The following DOK6 variants were observed in gnomAD, a reference collection of about 807,000 sequenced individuals.
The protein encoded by DOK6 is docking protein 6, also known as downstream of tyrosine kinase 6.
Under a neutral mutation model 44.0 loss-of-function variants are expected in DOK6, and 22 were observed. The ratio of observed to expected loss-of-function variants is 0.50; its 90% CI spans 0.36 to 0.71. The LOEUF is 0.71. Among genes scored for constraint, DOK6 ranks in the 30% least tolerant of loss-of-function variants. DOK6 has a pLI of 0.00. For synonymous variants in DOK6, 166 were observed against 145.5 expected (o/e 1.14, Z -1.01); for missense variants, 340 against 416.4 (o/e 0.82, Z 1.60).
At chr18:69,633,780 C>T (rs539567277) in intron 3 of DOK6, among the ~76,000 whole-genome samples, 75 of 152,100 alleles carry the variant, frequency 4.9e-4, no homozygotes, top group Non-Finnish European at 8.8e-4. Context: ...TTAGTGGAGA[C>T]AATAAGGAGT....
chr18:69,497,063 G>T (rs1599159435), intron 1 of DOK6, among the ~76,000 whole-genome samples: 3 of 152,210 alleles, frequency 2.0e-5, no homozygotes, highest in South Asian at 4.1e-4. Flanking sequence ...TGGTATTGCT[G>T]TCAGTCTCAT....
intron 1 of DOK6, among the ~76,000 whole-genome samples, chr18:69,530,551 A>G (rs1024227015): frequency 6.6e-6 from 1 of 152,168 alleles, no homozygotes; most frequent in African/African-American, 2.4e-5. Flanking sequence ...GATGAGAAGT[A>G]TCAAAGAAAA....
intron 5 of DOK6, among the ~76,000 whole-genome samples, chr18:69,708,783 CAA>C (rs376287840): frequency 0.14 from 11,247 of 79,238 alleles, 416 homozygotes; most frequent in African/African-American, 0.22. Flanking sequence ...AAATCCGTCT[CAA>C]AAAAAAAAAA....
intron 1 of DOK6, among the ~76,000 whole-genome samples, chr18:69,495,175 C>G (rs1042969789): frequency 6.6e-6 from 1 of 152,204 alleles, no homozygotes; most frequent in African/African-American, 2.4e-5. Flanking sequence ...GCAGTGGAAG[C>G]CTGGGGACTC....
intron 1 of DOK6, among the ~76,000 whole-genome samples, chr18:69,430,856 C>T (rs1978786472): frequency 6.6e-6 from 1 of 152,118 alleles, no homozygotes; most frequent in Non-Finnish European, 1.5e-5. Flanking sequence ...GTCCCAGCTA[C>T]TAGGGAGGCT....
intron 7 of DOK6, among the ~76,000 whole-genome samples, chr18:69,790,222 C>T (rs749595027): frequency 4.3e-5 from 6 of 139,234 alleles, no homozygotes; most frequent in Non-Finnish European, 9.1e-5. Context: ...ACAATAAGAA[C>T]ACATGGACAC....
intron 3 of DOK6, among the ~76,000 whole-genome samples, chr18:69,611,556 T>G (rs1023785642): frequency 6.6e-6 from 1 of 151,254 alleles, no homozygotes; most frequent in African/African-American, 2.4e-5. Flanking sequence ...GCTTTATTTG[T>G]AAGAGCCCCA....
chr18:69,607,808 A>C (rs910253202), intron 3 of DOK6, among the ~76,000 whole-genome samples: 1 of 152,228 alleles, frequency 6.6e-6, no homozygotes, highest in Non-Finnish European at 1.5e-5. Flanking sequence ...TGAGCCTAAA[A>C]AATCAAACAG....
chr18:69,681,643 A>G (rs575376297), intron 4 of DOK6, among the ~76,000 whole-genome samples: 24 of 152,334 alleles, frequency 1.6e-4, no homozygotes, highest in African/African-American at 5.8e-4. Flanking sequence ...TTCAAAGTTT[A>G]AATTCTTAAA....
chr18:69,550,686 G>A (rs1982538143), intron 1 of DOK6, among the ~76,000 whole-genome samples: 2 of 151,816 alleles, frequency 1.3e-5, no homozygotes, highest in African/African-American at 2.4e-5. Context: ...TCATGTATAT[G>A]AGAACAAGTT....
rs558645333 is a variant in DOK6 at position 69,717,627 on chromosome 18, G to A, written c.599+19034G>A. 3.1e-4 allele frequency among the ~76,000 whole-genome samples: 47 copies of A among 152,336 alleles called. 1 individual carries two copies. In the South Asian group the frequency reaches 9.8e-3, roughly 32 times the overall value. On this transcript the variant is annotated intron_variant, in intron 5 of 7. Coordinates refer to ENST00000382713, the MANE Select transcript of DOK6 (RefSeq NM_152721.6). ...GCAGAGAGAGAGGGAAACTGGCTAA[G>A]AGCCTTCATTGTGTAACTGGCAAGC...
intron 1 of DOK6, among the ~76,000 whole-genome samples, chr18:69,402,087 A>C (rs1916112821): frequency 6.6e-6 from 1 of 152,252 alleles, no homozygotes; most frequent in Admixed American, 6.5e-5. Context: ...AGGGGCTGTC[A>C]CCTGGGCGGG....
intron 2 of DOK6, among the ~76,000 whole-genome samples, chr18:69,596,846 T>C (rs1416505232): frequency 6.6e-6 from 1 of 152,148 alleles, no homozygotes; most frequent in Non-Finnish European, 1.5e-5. Flanking sequence ...TAATGTACTT[T>C]TAGGCCTATA....
intron 1 of DOK6, among the ~76,000 whole-genome samples, chr18:69,471,140 T>TAGG (rs1980090382): frequency 7.1e-6 from 1 of 141,426 alleles, no homozygotes; most frequent in Non-Finnish European, 1.6e-5. Context: ...TCCCAGCTAC[T>TAGG]CGGGAAGCTG....
At chr18:69,549,077 A>AAG (rs1568293430) in intron 1 of DOK6, among the ~76,000 whole-genome samples, 1 of 145,362 alleles carries the variant, frequency 6.9e-6, no homozygotes, top group Admixed American at 7.0e-5. Context: ...GCCTGGGTGA[A>AAG]AGAGTGAGAC....
chr18:69,704,379 C>A (rs1260115399), intron 5 of DOK6, among the ~76,000 whole-genome samples: 1 of 151,068 alleles, frequency 6.6e-6, no homozygotes, highest in East Asian at 2.0e-4. Context: ...TTAAGGGAAA[C>A]AATCCAAAAA....
At chr18:69,524,333 GTAGT>G (rs1425427072) in intron 1 of DOK6, among the ~76,000 whole-genome samples, 1 of 151,978 alleles carries the variant, frequency 6.6e-6, no homozygotes, top group Non-Finnish European at 1.5e-5. Context: ...GTTTTATAGT[GTAGT>G]TAAAGTGTGT....
chr18:69,480,572 C>T (rs950210362), intron 1 of DOK6, among the ~76,000 whole-genome samples: 2 of 152,100 alleles, frequency 1.3e-5, no homozygotes, highest in Non-Finnish European at 2.9e-5. Context: ...AAACTACCTA[C>T]CCCTAGTGAC....
chr18:69,757,940 AATTGCTTTGTATTTGC>A, intron 7 of DOK6, 67 bp downstream of exon 7: 1 of 1,365,808 alleles, frequency 7.3e-7, no homozygotes, highest in Admixed American at 1.7e-5. Flanking sequence ...GAGTCATGCA[AATTGCTTTGTATTTGC>A]ATTGCTTGCT....
Sources: gnomAD v4.1 joint callset for allele counts (sites outside exome capture counted in the v4.1 genomes callset) on GRCh38, gnomAD v4.1.1 for gene constraint, MANE v1.5 for transcripts, NCBI Gene and HGNC (gene_info 2026-07-23, HGNC 2026-07-21) for gene names.